CPNE4: variants seen among roughly 807,000 people sequenced by gnomAD.
CPNE4 encodes copine-4.
A neutral mutation model predicts 67.9 loss-of-function variants in CPNE4; 25 were observed. The ratio of observed to expected loss-of-function variants is 0.37; its 90% CI spans 0.27 to 0.51. CPNE4 has a LOEUF of 0.51. Among genes scored for constraint, CPNE4 ranks in the 20% least tolerant of loss-of-function variants. CPNE4 has a pLI of 0.93. For missense variants in CPNE4, 464 were observed against 690.8 expected (o/e 0.67, Z 3.68); for synonymous variants, 242 against 244.9 (o/e 0.99, Z 0.11).
chr3:131,859,118 G>A (rs1484704907), intron 2 of CPNE4, among the ~76,000 whole-genome samples: 1 of 152,142 alleles, frequency 6.6e-6, no homozygotes, highest in African/African-American at 2.4e-5. Context: ...GCCAAATGAT[G>A]TAAGTGTCAG....
At chr3:131,873,151 T>C (rs766866054) in intron 2 of CPNE4, among the ~76,000 whole-genome samples, 4 of 152,242 alleles carry the variant, frequency 2.6e-5, no homozygotes, top group South Asian at 4.1e-4. Flanking sequence ...TATTGCAAGA[T>C]TGGGAATTCT....
At chr3:132,037,087 A>C (rs2074352721), upstream of CPNE4, among the ~76,000 whole-genome samples, 1 of 152,252 alleles carries the variant, frequency 6.6e-6, no homozygotes, top group Non-Finnish European at 1.5e-5. Context: ...ATAAGTGAAC[A>C]CATGGACCAT....
At chr3:131,782,892 G>C (rs760451912) in intron 2 of CPNE4, among the ~76,000 whole-genome samples, 1 of 152,066 alleles carries the variant, frequency 6.6e-6, no homozygotes, top group South Asian at 2.1e-4. Context: ...CCATGCTGCT[G>C]ACCTTAGATA....
intron 2 of CPNE4, among the ~76,000 whole-genome samples, chr3:131,729,384 A>G (rs547743333): frequency 1.3e-5 from 2 of 152,332 alleles, no homozygotes; most frequent in South Asian, 4.1e-4. Flanking sequence ...AAACCATGTA[A>G]CTTCCAAGGA....
intron 1 of CPNE4, among the ~76,000 whole-genome samples, chr3:131,925,117 G>GTCTC (rs149188417): frequency 2.7e-5 from 4 of 150,714 alleles, no homozygotes; most frequent in African/African-American, 7.3e-5. Context: ...ATTGCTAAAA[G>GTCTC]TCTCTCTCTC....
chr3:131,698,743 C>G (rs1177771199), intron 4 of CPNE4, among the ~76,000 whole-genome samples: 2 of 151,546 alleles, frequency 1.3e-5, no homozygotes, highest in African/African-American at 4.9e-5. Flanking sequence ...AACTCCATCT[C>G]TACTAAAAAT....
intron 2 of CPNE4, among the ~76,000 whole-genome samples, chr3:131,814,102 C>T (rs1410902202): frequency 1.3e-5 from 2 of 152,130 alleles, no homozygotes; most frequent in East Asian, 1.9e-4. Context: ...ACATAGGCAC[C>T]TATATACATG....
intron 10 of CPNE4, among the ~76,000 whole-genome samples, chr3:131,566,013 T>C (rs184538713): frequency 9.2e-5 from 14 of 152,030 alleles, no homozygotes; most frequent in Non-Finnish European, 1.6e-4. Flanking sequence ...TCATGTGACA[T>C]AGGGTAACAG....
intron 2 of CPNE4, among the ~76,000 whole-genome samples, chr3:131,785,659 CTCTTTCTCTCTT>C (rs1481122999): frequency 1.0e-5 from 1 of 97,768 alleles, no homozygotes; most frequent in Non-Finnish European, 2.2e-5. Context: ...CTCTCTCTCT[CTCTTTCTCTCTT>C]TCTCTCTCTC....
intron 2 of CPNE4, among the ~76,000 whole-genome samples, chr3:131,803,958 T>C (rs2084220739): frequency 6.6e-6 from 1 of 152,182 alleles, no homozygotes; most frequent in African/African-American, 2.4e-5. Flanking sequence ...TAAAGTCTAG[T>C]TACAAGCACA....
At chr3:131,605,470 C>G (rs1214248165) in intron 7 of CPNE4, among the ~76,000 whole-genome samples, 1 of 152,054 alleles carries the variant, frequency 6.6e-6, no homozygotes, top group African/African-American at 2.4e-5. Flanking sequence ...TAAAGTCAAT[C>G]CACCCCAGCA....
chr3:131,582,114 A>C (rs1937879448), intron 8 of CPNE4, among the ~76,000 whole-genome samples: 1 of 152,240 alleles, frequency 6.6e-6, no homozygotes, highest in Non-Finnish European at 1.5e-5. Context: ...AGTGATGACC[A>C]AGTACTAAGG....
At chr3:131,972,989 G>A (rs2072544571) in intron 1 of CPNE4, among the ~76,000 whole-genome samples, 1 of 152,092 alleles carries the variant, frequency 6.6e-6, no homozygotes, top group African/African-American at 2.4e-5. Flanking sequence ...GCATACAAAG[G>A]TCTACAACTA....
At chr3:131,867,018 C>A (rs1399491333) in intron 2 of CPNE4, among the ~76,000 whole-genome samples, 1 of 152,150 alleles carries the variant, frequency 6.6e-6, no homozygotes, top group African/African-American at 2.4e-5. Context: ...TAAAACAAAA[C>A]ACCAAGCATA....
rs77041365 is a variant in CPNE4, at chr3:131,957,728, T to C, written c.-1-52284A>G. Among the ~76,000 whole-genome samples the C allele has an allele frequency of 5.2e-3, 787 of 152,350 alleles. 7 individuals are homozygous for C. The highest frequency in any genetic ancestry group is 0.018 in the African/African-American group (759 of 41,588). On this transcript the variant is annotated intron_variant, in intron 1 of 15. Coordinates refer to ENST00000429747, the MANE Select transcript of CPNE4 (RefSeq NM_130808.3). ...TGCTCCAAAGAAGGGCAAAGATTTG[T>C]TGCACACAGCCTCTGTATTCAAGGA... is the stretch of plus-strand genomic sequence containing the variant.
At chr3:131,702,204 T>C (rs2081317897) in intron 3 of CPNE4, among the ~76,000 whole-genome samples, 1 of 152,188 alleles carries the variant, frequency 6.6e-6, no homozygotes. Flanking sequence ...TTTGTGATGA[T>C]GATGACAACA....
At chr3:131,801,353 A>AC (rs146891062) in intron 2 of CPNE4, among the ~76,000 whole-genome samples, 25,073 of 111,610 alleles carry the variant, frequency 0.22, 2,880 homozygotes, top group East Asian at 0.43. Flanking sequence ...ATATATATGT[A>AC]CCATATATAT....
intron 14 of CPNE4, among the ~76,000 whole-genome samples, chr3:131,543,850 G>T (rs1180660018): frequency 6.6e-6 from 1 of 152,198 alleles, no homozygotes; most frequent in Middle Eastern, 3.2e-3. Flanking sequence ...AGGCACACTT[G>T]CAGAAGGTTG....
chr3:131,929,311 C>T (rs769035285), intron 1 of CPNE4, among the ~76,000 whole-genome samples: 2 of 151,850 alleles, frequency 1.3e-5, no homozygotes, highest in Non-Finnish European at 2.9e-5. Flanking sequence ...AGAACAGATA[C>T]CACCTTATTA....
Sources: gnomAD v4.1 joint callset for allele counts (sites outside exome capture counted in the v4.1 genomes callset) on GRCh38, gnomAD v4.1.1 for gene constraint, MANE v1.5 for transcripts, NCBI Gene and HGNC (gene_info 2026-07-23, HGNC 2026-07-21) for gene names.